Variants in USP34 observed in about 807,000 individuals in gnomAD.
USP34 encodes ubiquitin carboxyl-terminal hydrolase 34.
USP34 carries 70 observed loss-of-function variants against 460.3 expected under a neutral mutation model. The ratio of observed to expected loss-of-function variants is 0.15; its 90% CI spans 0.13 to 0.19. The LOEUF (loss-of-function observed/expected upper bound fraction) is 0.19, where lower values mean the gene tolerates loss of function less well. Among genes scored for constraint, USP34 ranks in the 10% least tolerant of loss-of-function variants. The pLI, the probability that USP34 is intolerant of heterozygous loss-of-function variation, is 1.00. For missense variants in USP34, 3,985 were observed against 4,236.2 expected (o/e 0.94, Z 1.65); for synonymous variants, 1,647 against 1,405.3 (o/e 1.17, Z -3.85).
chr2:61,297,624 C>T (rs544450104), intron 29 of USP34, among the ~76,000 whole-genome samples: 5 of 152,310 alleles, frequency 3.3e-5, no homozygotes, highest in African/African-American at 9.6e-5. Flanking sequence ...ATTACTACTG[C>T]TACTATCACA....
At chr2:61,340,448 T>C (rs115236072) in intron 16 of USP34, among the ~76,000 whole-genome samples, 1,852 of 152,302 alleles carry the variant, frequency 0.012, 15 homozygotes, top group Non-Finnish European at 0.018. Context: ...AGTCATAAGG[T>C]ATTATGTATG....
chr2:61,465,891 G>C (rs1695747967), intron 1 of USP34, among the ~76,000 whole-genome samples: 1 of 151,992 alleles, frequency 6.6e-6, no homozygotes, highest in South Asian at 2.1e-4. Flanking sequence ...TCAGGAGAAT[G>C]GCGTGAACCC....
chr2:61,378,362 C>T lies in USP34; in HGVS notation c.1076+1G>A. 1 of 1,580,888 alleles carries T rather than the reference C, an allele frequency of 6.3e-7. No homozygotes were observed. The highest frequency in any genetic ancestry group is 8.6e-7 in the Non-Finnish European group (1 of 1,163,964). On this transcript the variant is annotated splice_donor_variant, in intron 8 of 79. Coordinates refer to ENST00000398571, the MANE Select transcript of USP34 (RefSeq NM_014709.4). LOFTEE classifies it high-confidence loss of function. ...ATATATAAATTAATGCTCCTACTTA[C>T]GTTTCTGTGTCCGATACTAATGATT... is the stretch of plus-strand genomic sequence containing the variant.
intron 41 of USP34, among the ~76,000 whole-genome samples, chr2:61,274,772 T>C (rs567644233): frequency 7.5e-4 from 114 of 152,334 alleles, no homozygotes; most frequent in South Asian, 4.1e-3. Flanking sequence ...TTGGCTCAGC[T>C]TCCACAGACA....
At chr2:61,228,472 C>G (rs568229269) in intron 61 of USP34, among the ~76,000 whole-genome samples, 173 bp downstream of exon 61, 45 of 152,278 alleles carry the variant, frequency 3.0e-4, no homozygotes, top group African/African-American at 1.0e-3. Context: ...TTCTTTCTTG[C>G]TATATCCATT....
At chr2:61,361,968 AAAT>A (rs1692288920) in intron 10 of USP34, among the ~76,000 whole-genome samples, 1 of 152,024 alleles carries the variant, frequency 6.6e-6, no homozygotes, top group Non-Finnish European at 1.5e-5. Context: ...AATAGCAAAA[AAAT>A]AATAAATAAA....
intron 41 of USP34, among the ~76,000 whole-genome samples, chr2:61,271,258 C>T (rs1689205309): frequency 1.3e-5 from 2 of 152,140 alleles, no homozygotes; most frequent in Non-Finnish European, 2.9e-5. Context: ...GGACCGAGAT[C>T]GCACCACTGC....
At chr2:61,292,408 C>CA (rs1345748659) in intron 33 of USP34, among the ~76,000 whole-genome samples, 1 of 152,042 alleles carries the variant, frequency 6.6e-6, no homozygotes, top group African/African-American at 2.4e-5. Flanking sequence ...CACATATTGG[C>CA]AATAAAATGT....
chr2:61,439,119 G>C (rs1245607094), intron 1 of USP34, among the ~76,000 whole-genome samples: 1 of 152,074 alleles, frequency 6.6e-6, no homozygotes, highest in Non-Finnish European at 1.5e-5. Flanking sequence ...GGAAGTGAAA[G>C]ACCTAAAAAC....
chr2:61,293,966 G>T (rs954048870), intron 32 of USP34, among the ~76,000 whole-genome samples: 7 of 152,128 alleles, frequency 4.6e-5, no homozygotes, highest in Non-Finnish European at 8.8e-5. Flanking sequence ...AGTCAGCCAT[G>T]ATCATGCCAC....
At chr2:61,422,106 T>C (rs572797775) in intron 1 of USP34, among the ~76,000 whole-genome samples, 1 of 152,286 alleles carries the variant, frequency 6.6e-6, no homozygotes, top group South Asian at 2.1e-4. Flanking sequence ...CTACTGACCA[T>C]CAGGGAGAAG....
chr2:61,342,901 G>A (rs759300879), intron 16 of USP34, among the ~76,000 whole-genome samples: 6 of 152,104 alleles, frequency 3.9e-5, no homozygotes, highest in Middle Eastern at 3.2e-3. Flanking sequence ...TACAAATATG[G>A]CATCACATTC....
At position 61,241,655 on chromosome 2, in the gene USP34, T is replaced by A. The variant is rs768139688; in HGVS notation, c.6682A>T (p.Thr2228Ser). ...DKFMDFSFEKTHSAYMLFYKR... is the reference protein window; with the variant it reads ...DKFMDFSFEKSHSAYMLFYKR... Reference sequence around the variant, plus strand: ...TAAAACAGCATATATGCACTGTGTGTCTTTAAGAGGCAAGAAAAAAATTTA... The same window carrying A: ...TAAAACAGCATATATGCACTGTGTGACTTTAAGAGGCAAGAAAAAAATTTA... Residue 2228 changes from threonine to serine, a missense_variant and splice_region_variant, in exon 53 of 80, where the codon ACA becomes TCA. By Grantham distance (58) the Thr-to-Ser change is moderately conservative (BLOSUM62 1). Coordinates refer to ENST00000398571, the MANE Select transcript of USP34 (RefSeq NM_014709.4). 6.4e-7 allele frequency: 1 copy of A among 1,571,846 alleles called. No individual in the cohort carries two copies. Among genetic ancestry groups the A allele is most frequent in the Non-Finnish European group, 8.6e-7 (1 of 1,165,828 alleles).
At chr2:61,341,815 G>C (rs1036894481) in intron 16 of USP34, among the ~76,000 whole-genome samples, 44 of 147,318 alleles carry the variant, frequency 3.0e-4, no homozygotes, top group Middle Eastern at 7.0e-3. Context: ...GGCTGGAGTG[G>C]AGTGGTATGA....
At chr2:61,278,539 T>C (rs1572895304) in intron 39 of USP34, 96 bp from the exon 40 acceptor site, 1 of 958,292 alleles carries the variant, frequency 1.0e-6, no homozygotes, top group East Asian at 2.7e-5. Flanking sequence ...GTAACAATAA[T>C]TTAGTTCTCC....
intron 5 of USP34, among the ~76,000 whole-genome samples, chr2:61,384,396 G>A (rs190404477): frequency 1.8e-4 from 27 of 152,226 alleles, no homozygotes; most frequent in Admixed American, 3.3e-4. Flanking sequence ...CTGGACAGGC[G>A]CGGTGGCTCA....
intron 41 of USP34, among the ~76,000 whole-genome samples, chr2:61,275,791 G>A (rs1055766352): frequency 2.0e-5 from 3 of 152,270 alleles, no homozygotes; most frequent in East Asian, 1.9e-4. Flanking sequence ...TGCACAACTC[G>A]TTTAACCTGT....
chr2:61,391,484 C>A (rs1264615931), intron 5 of USP34, among the ~76,000 whole-genome samples: 3 of 152,074 alleles, frequency 2.0e-5, no homozygotes, highest in Non-Finnish European at 4.4e-5. Flanking sequence ...ATCTTTCCTG[C>A]CACAAAAGTG....
At chr2:61,305,196 C>T (rs902206257) in intron 27 of USP34, among the ~76,000 whole-genome samples, 4 of 151,864 alleles carry the variant, frequency 2.6e-5, no homozygotes, top group Non-Finnish European at 4.4e-5. Flanking sequence ...TGGTGGAGTG[C>T]GCCTGTAGTC....
Sources: allele counts gnomAD v4.1 joint callset (sites outside exome capture counted in the v4.1 genomes callset), GRCh38; gene constraint gnomAD v4.1.1; transcripts MANE v1.5; gene names NCBI Gene and HGNC (gene_info 2026-07-23, HGNC 2026-07-21).